Variants in AGBL3 observed in about 807,000 individuals in gnomAD.
AGBL3 encodes the protein cytosolic carboxypeptidase 3.
In AGBL3, 68 loss-of-function variants were observed where a neutral mutation model predicts 94.5. The observed-to-expected ratio is 0.72, with a 90% confidence interval of 0.59 to 0.88. The LOEUF is 0.88. Ranked by LOEUF, AGBL3 falls within the 40% of genes least tolerant of loss-of-function variation. The pLI, the probability that AGBL3 is intolerant of heterozygous loss-of-function variation, is 0.00. For synonymous variants in AGBL3, 354 were observed against 370.7 expected (o/e 0.95, Z 0.52); for missense variants, 934 against 1,103.8 (o/e 0.85, Z 2.18).
At chr7:135,129,126 T>G (rs537988721) in intron 16 of AGBL3, 26 of 1,539,248 alleles carry the variant, frequency 1.7e-5, no homozygotes, top group Admixed American at 3.3e-5. Context: ...GGAAGCAGAG[T>G]TATTTGCCTA....
chr7:135,033,698 G>C (rs1816008834), intron 6 of AGBL3, among the ~76,000 whole-genome samples: 2 of 152,134 alleles, frequency 1.3e-5, no homozygotes, highest in South Asian at 2.1e-4. Context: ...TGTAATCTAT[G>C]TGATCATATT....
At chr7:135,000,892 C>G (rs936150422) in intron 4 of AGBL3, among the ~76,000 whole-genome samples, 33 of 152,170 alleles carry the variant, frequency 2.2e-4, no homozygotes, top group African/African-American at 6.8e-4. Context: ...TCGGTGCCAG[C>G]AGCCCAGTTT....
intron 16 of AGBL3, among the ~76,000 whole-genome samples, chr7:135,118,623 T>C (rs986132977): frequency 6.6e-6 from 1 of 152,116 alleles, no homozygotes; most frequent in Non-Finnish European, 1.5e-5. Context: ...TAATCAGAAA[T>C]AAATTCTTGT....
intron 11 of AGBL3, among the ~76,000 whole-genome samples, chr7:135,058,155 G>A (rs969186066): frequency 2.0e-5 from 3 of 152,114 alleles, no homozygotes; most frequent in African/African-American, 4.8e-5. Context: ...ATTTACAAAT[G>A]TACCACATAC....
rs1425836186 is a variant in AGBL3, at chr7:135,069,638, G to A, written c.1909-6759G>A. Among the ~76,000 whole-genome samples the A allele has an allele frequency of 2.3e-4, 35 of 152,154 alleles. No individual in the cohort carries two copies. In the East Asian group the frequency reaches 4.8e-3, roughly 21 times the overall value. Reference sequence around the variant, plus strand: ...TCCTGAATGACTACTGGGTACATAAGAAATGAAGGCAGAAATAAAGATGTT... The same window carrying A: ...TCCTGAATGACTACTGGGTACATAAAAAATGAAGGCAGAAATAAAGATGTT... On this transcript the variant is annotated intron_variant, in intron 12 of 16. Transcript: ENST00000436302.
chr7:135,102,044 T>C (rs2348271), intron 15 of AGBL3, among the ~76,000 whole-genome samples: 152,344 of 152,344 alleles, frequency 1, 76,172 homozygotes, highest in Non-Finnish European at 1. Context: ...GAGGCCTCCC[T>C]AGCCACATAG....
intron 2 of AGBL3, chr7:134,988,496 A>AG (rs1809769958): frequency 6.6e-6 from 1 of 152,546 alleles, no homozygotes; most frequent in Non-Finnish European, 1.5e-5. Context: ...TCTACTACAT[A>AG]GGCTGCGAGA....
chr7:135,133,946 ACT>A (rs911486219), intron 16 of AGBL3, among the ~76,000 whole-genome samples: 4 of 151,830 alleles, frequency 2.6e-5, no homozygotes, highest in Admixed American at 6.6e-5. Context: ...CCAGACAATT[ACT>A]CTGAGAAAAA....
intron 4 of AGBL3, among the ~76,000 whole-genome samples, chr7:135,015,180 T>A (rs1454931201): frequency 6.6e-6 from 1 of 152,230 alleles, no homozygotes; most frequent in African/African-American, 2.4e-5. Flanking sequence ...AATTGCTTAC[T>A]ATAGAATACT....
At chr7:135,064,130 G>A (rs755775321) in intron 12 of AGBL3, among the ~76,000 whole-genome samples, 1 of 152,162 alleles carries the variant, frequency 6.6e-6, no homozygotes. Flanking sequence ...ACATCAATGG[G>A]GTGGGGAAGG....
intron 4 of AGBL3, chr7:135,010,081 C>T (rs1161122768): frequency 1.7e-5 from 7 of 420,878 alleles, no homozygotes; most frequent in East Asian, 7.5e-5. Context: ...CAGGCTGGAG[C>T]GCAGTGGTGC....
chr7:135,112,730 C>G (rs1825812226), intron 15 of AGBL3, among the ~76,000 whole-genome samples: 1 of 152,156 alleles, frequency 6.6e-6, no homozygotes, highest in Non-Finnish European at 1.5e-5. Context: ...CATCTATTTA[C>G]CAAACAAAAA....
intron 11 of AGBL3, among the ~76,000 whole-genome samples, chr7:135,047,505 A>G (rs1817479600): frequency 6.6e-6 from 1 of 151,974 alleles, no homozygotes; most frequent in Non-Finnish European, 1.5e-5. Flanking sequence ...ATAGTGTACA[A>G]GGTTTTCAAT....
intron 5 of AGBL3, among the ~76,000 whole-genome samples, chr7:135,024,020 C>T (rs192569544): frequency 3.7e-5 from 4 of 108,408 alleles, no homozygotes; most frequent in African/African-American, 1.4e-4. Flanking sequence ...AGCACTTGAG[C>T]GGGAGGAGCC....
intron 15 of AGBL3, chr7:135,094,470 A>C (rs1480757157): frequency 1.1e-5 from 5 of 456,586 alleles, no homozygotes; most frequent in African/African-American, 1.0e-4. Flanking sequence ...CACTAGCTTG[A>C]AAGTGAGAAA....
chr7:135,044,572 A>G (rs1817172990), intron 9 of AGBL3, among the ~76,000 whole-genome samples: 2 of 152,180 alleles, frequency 1.3e-5, no homozygotes, highest in South Asian at 4.1e-4. Context: ...GTCCCATTTA[A>G]GAAATCTTTT....
intron 4 of AGBL3, among the ~76,000 whole-genome samples, chr7:134,996,586 T>C (rs181470197): frequency 2.0e-5 from 3 of 152,346 alleles, no homozygotes; most frequent in Non-Finnish European, 4.4e-5. Flanking sequence ...TATCAGTTTA[T>C]ATATATTAGT....
At chr7:135,043,410 T>C (rs988984893) in intron 8 of AGBL3, among the ~76,000 whole-genome samples, 2 of 151,908 alleles carry the variant, frequency 1.3e-5, no homozygotes, top group Non-Finnish European at 2.9e-5. Context: ...ACAACTGAAC[T>C]TGTAGAGACA....
chr7:135,094,761 C>T (rs1445590590), intron 15 of AGBL3, among the ~76,000 whole-genome samples: 1 of 152,040 alleles, frequency 6.6e-6, no homozygotes, highest in African/African-American at 2.4e-5. Flanking sequence ...ACCATACCAC[C>T]CAAGAGGAGC....
Sources: allele counts gnomAD v4.1 joint callset (sites outside exome capture counted in the v4.1 genomes callset), GRCh38; gene constraint gnomAD v4.1.1; transcripts MANE v1.5; gene names NCBI Gene and HGNC (gene_info 2026-07-23, HGNC 2026-07-21).